CIZ1: variants seen among roughly 807,000 people sequenced by gnomAD.
The protein encoded by CIZ1 is cip1-interacting zinc finger protein.
CIZ1 carries 58 observed loss-of-function variants against 118.6 expected under a neutral mutation model. The observed-to-expected ratio is 0.49, with a 90% CI of 0.40 to 0.61. The LOEUF (loss-of-function observed/expected upper bound fraction) is 0.61. Ranked by LOEUF, CIZ1 falls within the 20% of genes least tolerant of loss-of-function variation. The pLI is 0.00. For synonymous variants in CIZ1, 448 were observed against 443.4 expected, an observed-to-expected ratio of 1.01 and a Z score of -0.13; for missense variants, 921 against 1,115.9, an observed-to-expected ratio of 0.83 and a Z score of 2.49.
At chr9:128,196,426 T>A (rs1352417918), upstream of CIZ1, among the ~76,000 whole-genome samples, 4 of 151,888 alleles carry the variant, frequency 2.6e-5, no homozygotes, top group Non-Finnish European at 5.9e-5. Flanking sequence ...TGTGTGCCTG[T>A]AGTCTCAGCT....
intron 14 of CIZ1, chr9:128,167,473 T>C (rs1829578247): frequency 2.9e-6 from 1 of 343,840 alleles, no homozygotes; most frequent in Middle Eastern, 7.9e-4. Context: ...TGAATCCTCA[T>C]AACAGCCCTC....
chr9:128,170,208 C>T (rs1048329225), intron 11 of CIZ1, 101 bp from the exon 12 acceptor site: 3 of 987,094 alleles, frequency 3.0e-6, no homozygotes, highest in Admixed American at 2.1e-5. Flanking sequence ...GCAACTCCCA[C>T]AGGATCTCTT....
chr9:128,170,192 C>A, intron 11 of CIZ1, 85 bp from the exon 12 acceptor site: 1 of 1,102,094 alleles, frequency 9.1e-7, no homozygotes, highest in Admixed American at 2.0e-5. Flanking sequence ...GTAATCCATT[C>A]CAATAGCAAC....
chr9:128,194,362 C>CA (rs757286334), upstream of CIZ1, among the ~76,000 whole-genome samples: 36,874 of 73,778 alleles, frequency 0.5, 8,139 homozygotes, highest in African/African-American at 0.62. Context: ...AACTCCATCT[C>CA]AAAAAAAAAA....
Position 128,180,788 on chromosome 9 carries a change from C to T in CIZ1, c.615G>A (p.Val205=), listed in dbSNP as rs762743082. 6.2e-7 allele frequency: 1 copy of T among 1,611,706 alleles called. No individual in the cohort carries two copies. Among genetic ancestry groups the T allele is most frequent in the South Asian group, 1.1e-5 (1 of 91,024 alleles). The change falls in exon 6 of 17, where the codon GTG becomes GTA. Residue 205 remains valine (V), a synonymous_variant. Coordinates refer to ENST00000372938, the MANE Select transcript of CIZ1 (RefSeq NM_001131016.2). ...RKDSSSQTMP[V]EDKSDPPEGS... ...CCTCTGGGGGGTCTGACTTGTCTTC[C>T]ACAGGCATTGTCTGAGAAGAAGAAT...
In CIZ1 at chr9:128,179,353, G is replaced by GC. The variant is rs1564273624; in HGVS notation, c.853dup (p.Ala285GlyfsTer17). On this transcript the variant is annotated frameshift_variant, in exon 8 of 17. Transcript: ENST00000372938. LOFTEE classifies it high-confidence loss of function. ...TGTCTGTTTCGGTACTGTCATCCGG[G>GC]CCTGCGGCTGGGCCTTCACCTGTAA... is the stretch of plus-strand genomic sequence containing the variant. The GC allele has an allele frequency of 1.9e-6, 3 of 1,613,766 alleles. No individual in the cohort carries two copies.
chr9:128,178,281 G>A, intron 9 of CIZ1, 88 bp downstream of exon 9: 1 of 1,443,074 alleles, frequency 6.9e-7, no homozygotes, highest in Non-Finnish European at 9.4e-7. Context: ...ACACAAGGAG[G>A]CCCTGAGGTG....
In CIZ1 at chr9:128,166,873, G is replaced by T. The variant is rs893461875; in HGVS notation, c.2373C>A (p.Asp791Glu). Residue 791 changes from aspartate to glutamate, a missense_variant, in exon 16 of 17, where the codon GAC becomes GAA. Physicochemically the swap from Asp to Glu is conservative, Grantham distance 45 (BLOSUM62 2). Transcript: ENST00000372938. This position sits in a 1 kb window ranked among gnomAD's most constrained non-coding sequence, Gnocchi z 4.4. ...TYSPNTAYGV[D>E]FLVPVMGYIC... is the part of the protein sequence containing the mutation. ...TATAGCCCATCACGGGCACCAGGAA[G>T]TCCACACCTGTAGGATGGGATGGCA... The T allele has an allele frequency of 1.9e-6, 3 of 1,614,114 alleles. No individual in the cohort carries two copies. The highest frequency in any genetic ancestry group is 2.2e-5 in the East Asian group (1 of 44,896).
intron 4 of CIZ1, 60 bp downstream of exon 4, chr9:128,187,803 C>A: frequency 4.6e-6 from 2 of 433,776 alleles, no homozygotes; most frequent in South Asian, 1.0e-4. Flanking sequence ...TTCTTTTTGC[C>A]AACCAACTTA....
chr9:128,185,811 A>G, intron 4 of CIZ1, 35 bp from the exon 5 acceptor site: 7 of 1,491,290 alleles, frequency 4.7e-6, no homozygotes, highest in South Asian at 2.3e-5. Flanking sequence ...AGGGGTCACA[A>G]TGTGGTCGGG....
At chr9:128,178,316 C>T (rs746348226) in intron 9 of CIZ1, 53 bp downstream of exon 9, 4 of 1,564,370 alleles carry the variant, frequency 2.6e-6, no homozygotes, top group African/African-American at 1.4e-5. Flanking sequence ...GAGGCCATCC[C>T]ACCCTGCTGG....
At chr9:128,185,351 C>A (rs146960327) in intron 5 of CIZ1, among the ~76,000 whole-genome samples, 196 bp downstream of exon 5, 1 of 152,140 alleles carries the variant, frequency 6.6e-6, no homozygotes, top group Non-Finnish European at 1.5e-5. Flanking sequence ...AAAATCCCTT[C>A]GTTGATAAAA....
At chr9:128,167,315 A>G in intron 14 of CIZ1, 151 bp from the exon 15 acceptor site, 1 of 613,832 alleles carries the variant, frequency 1.6e-6, no homozygotes, top group South Asian at 2.0e-5. Context: ...GAGCCTTTGC[A>G]CATGGTGATC....
Position 128,203,760 on chromosome 9 carries a change from C to T in CIZ1, c.-6+426G>A, listed in dbSNP as rs1280717312. 4.6e-6 allele frequency: 4 copies of T among 870,972 alleles called. No individual in the cohort carries two copies. The highest frequency in any genetic ancestry group is 6.0e-6 in the Non-Finnish European group (4 of 663,256). The allele number at this position is 870,972 out of a possible 1,614,324, so 54.0% of individuals were successfully genotyped here. A position where few individuals can be genotyped will look rare whatever the true frequency, so the allele number is the denominator to read the frequency against. On this transcript the variant is annotated intron_variant, in intron 1 of 17. Transcript: ENST00000372948. This position sits in a 1 kb window ranked among gnomAD's most constrained non-coding sequence, Gnocchi z 5.3. ...CACCCGCGGCCGGCGCGCCCCCCAC[C>T]CCCAGCCGGAGCGAGGAGGCCCTCC...
At position 128,185,725 on chromosome 9, in the gene CIZ1, A is replaced by G; in HGVS notation, c.410T>C (p.Leu137Pro). Residue 137 changes from leucine to proline, a missense_variant, in exon 5 of 17, where the codon CTC becomes CCC. Leu to Pro is a moderately conservative substitution (Grantham distance 98, BLOSUM62 -3). Coordinates refer to ENST00000372938, the MANE Select transcript of CIZ1 (RefSeq NM_001131016.2). Reference protein sequence around the residue: ...MASPGLAAPSLTPPQLATPNL... With the variant: ...MASPGLAAPSPTPPQLATPNL... ...TGGAGTGGCCAGTTGTGGGGGTGTG[A>G]GGCTGGGGGCTGCGAGGCCTGGGGA... 1 of 1,612,718 alleles carries G rather than the reference A, an allele frequency of 6.2e-7. No homozygotes were observed. The highest frequency in any genetic ancestry group is 8.5e-7 in the Non-Finnish European group (1 of 1,179,324).
At chr9:128,179,655 T>G (rs1422816679) in intron 7 of CIZ1, among the ~76,000 whole-genome samples, 1 of 150,408 alleles carries the variant, frequency 6.6e-6, no homozygotes, top group African/African-American at 2.5e-5. Flanking sequence ...TTTTTGTTTG[T>G]TTTTGGTTTT....
chr9:128,172,232 C>T (rs973572529), intron 11 of CIZ1, among the ~76,000 whole-genome samples: 2 of 151,608 alleles, frequency 1.3e-5, no homozygotes, highest in African/African-American at 2.4e-5. Flanking sequence ...GTGGCTCACG[C>T]CTGTAATCCC....
Position 128,190,464 on chromosome 9 carries a change from G to A in CIZ1, c.171-20C>T, listed in dbSNP as rs1832992691. The A allele has an allele frequency of 1.3e-6, 2 of 1,567,666 alleles. No homozygotes were observed. The highest frequency in any genetic ancestry group is 1.1e-5 in the South Asian group (1 of 88,920). On this transcript the variant is annotated intron_variant, in intron 2 of 16. Transcript: ENST00000372938. The stretch of plus-strand genomic sequence containing the variant: ...AGCCCCCTGTGTGTTGGGAGGGGGT[G>A]TCAGAGGGTTATTTGGAAAGTCAGA...
In CIZ1 at chr9:128,178,898, T is replaced by G. The variant is rs1831206151; in HGVS notation, c.1309A>C (p.Thr437Pro). The G allele has an allele frequency of 6.2e-7, 1 of 1,614,068 alleles. No homozygotes were observed. The highest frequency in any genetic ancestry group is 8.5e-7 in the Non-Finnish European group (1 of 1,180,030). Residue 437 changes from threonine to proline, a missense_variant, in exon 8 of 17, where the codon ACA becomes CCA. Physicochemically the swap from Thr to Pro is conservative, Grantham distance 38. Coordinates refer to ENST00000372938, the MANE Select transcript of CIZ1 (RefSeq NM_001131016.2). ...GGCTGGACGCTTGGCTGTGCCTGTG[T>G]GTGGACCTGTGGATATGTCTGTGTC... ...VQTQTYPQVH[T>P]QAQPSVQPQE...
Sources: allele counts gnomAD v4.1 joint callset (sites outside exome capture counted in the v4.1 genomes callset), GRCh38; gene constraint gnomAD v4.1.1; non-coding constraint Gnocchi (gnomAD v3.1); transcripts MANE v1.5; gene names NCBI Gene and HGNC (gene_info 2026-07-23, HGNC 2026-07-21).